The following KCNA2 variants were observed in gnomAD, a reference collection of about 807,000 sequenced individuals.
KCNA2 encodes potassium channel, voltage gated shaker related subfamily A, member 2.
A neutral mutation model predicts 33.4 loss-of-function variants in KCNA2; 11 were observed. The observed-to-expected ratio is 0.33, with a 90% CI of 0.21 to 0.55. The LOEUF (loss-of-function observed/expected upper bound fraction) is 0.55. Among genes scored for constraint, KCNA2 ranks in the 20% least tolerant of loss-of-function variants. The pLI, the probability that KCNA2 is intolerant of heterozygous loss-of-function variation, is 0.93. For missense variants in KCNA2, 291 were observed against 621.6 expected (o/e 0.47, Z 5.66); for synonymous variants, 222 against 231.3 (o/e 0.96, Z 0.37).
Position 110,602,420 on chromosome 1 carries a change from A to G in KCNA2, c.*863T>C, listed in dbSNP as rs1649402072. On this transcript the variant is annotated 3_prime_UTR_variant, in exon 3 of 3. Coordinates refer to ENST00000316361, the MANE Select transcript of KCNA2 (RefSeq NM_004974.4). ...ACAAACACCCATGCAGCTCTATTGCATCACTGGTAAATTTCACTGCAGTGT... is the reference window on the plus strand; with the variant it reads ...ACAAACACCCATGCAGCTCTATTGCGTCACTGGTAAATTTCACTGCAGTGT... The G allele has an allele frequency of 2.2e-6, 3 of 1,335,754 alleles. No homozygotes were observed. The highest frequency in any genetic ancestry group is 3.4e-5 in the Admixed American group (1 of 29,528). The allele number at this position is 1,335,754 out of a possible 1,614,324, so 82.7% of individuals were successfully genotyped here.
chr1:110,617,583 C>T (rs772151707), intron 1 of KCNA2, among the ~76,000 whole-genome samples: 57 of 152,102 alleles, frequency 3.7e-4, no homozygotes, highest in Non-Finnish European at 7.6e-4. Flanking sequence ...GAGGTTGCTT[C>T]CCCTCAGAGA....
chr1:110,629,405 A>G (rs976910561), intron 1 of KCNA2, among the ~76,000 whole-genome samples: 1 of 152,352 alleles, frequency 6.6e-6, no homozygotes, highest in African/African-American at 2.4e-5. Flanking sequence ...AATGAGACCT[A>G]TGTCCCTGAC....
At chr1:110,623,783 T>A (rs1340876131) in intron 1 of KCNA2, among the ~76,000 whole-genome samples, 1 of 152,026 alleles carries the variant, frequency 6.6e-6, no homozygotes, top group Non-Finnish European at 1.5e-5. Context: ...GAAAAACAAA[T>A]TTAAAAATGG....
Position 110,599,136 on chromosome 1 carries a change from G to A in KCNA2, c.*4147C>T, listed in dbSNP as rs1267100956. The stretch of plus-strand genomic sequence containing the variant: ...TGGAAGGGAGAGTGAGACACAACGG[G>A]ATGGCTGCAGGAGCAGAAATCAGGA... On this transcript the variant is annotated 3_prime_UTR_variant, in exon 3 of 3. Transcript: ENST00000316361. 1.0e-6 allele frequency: 1 copy of A among 985,304 alleles called. No individual in the cohort carries two copies. The highest frequency in any genetic ancestry group is 1.2e-6 in the Non-Finnish European group (1 of 829,944). The allele number at this position is 985,304 out of a possible 1,614,324, so 61.0% of individuals were successfully genotyped here. A position where few individuals can be genotyped will look rare whatever the true frequency, so the allele number is the denominator to read the frequency against.
In KCNA2 at chr1:110,601,790, ATATATGTG is replaced by A. The variant is rs1222160637; in HGVS notation, c.*1485_*1492del. On this transcript the variant is annotated 3_prime_UTR_variant, in exon 3 of 3. Coordinates refer to ENST00000316361, the MANE Select transcript of KCNA2 (RefSeq NM_004974.4). ...CTCCAGAAAATGAATATATATATAT[ATATATGTG>A]TGTGTGTGTGTGTGTGTGTGTGTGT... 25 of 1,163,590 alleles carry A rather than the reference ATATATGTG, an allele frequency of 2.1e-5. No homozygotes were observed. The African/African-American group carries it at 3.8e-4, about 18-fold the overall frequency. The allele number at this position is 1,163,590 out of a possible 1,614,324, so 72.1% of individuals were successfully genotyped here.
intron 1 of KCNA2, among the ~76,000 whole-genome samples, chr1:110,625,092 C>A (rs1456337036): frequency 6.6e-6 from 1 of 152,226 alleles, no homozygotes; most frequent in Non-Finnish European, 1.5e-5. Context: ...CCCATTCTGG[C>A]CACACAGCCC....
At chr1:110,610,226 A>G (rs574852525), upstream of KCNA2, among the ~76,000 whole-genome samples, 101 of 152,352 alleles carry the variant, frequency 6.6e-4, no homozygotes, top group South Asian at 0.02. Flanking sequence ...GACTACAGTC[A>G]TCTTAAAAGA....
chr1:110,596,265 T>C lies in KCNA2; in HGVS notation c.*7018A>G, dbSNP rs944555835. 2.0e-6 allele frequency: 2 copies of C among 980,044 alleles called. No homozygotes were observed. The highest frequency in any genetic ancestry group is 1.1e-4 in the East Asian group (1 of 8,802). The allele number at this position is 980,044 out of a possible 1,614,324, so 60.7% of individuals were successfully genotyped here. ...CTTGGATTGCCAAATTTATTCCACA[T>C]AAGTGAAACTAAGGAGATTGGTCAA... On this transcript the variant is annotated 3_prime_UTR_variant, in exon 3 of 3. Transcript: ENST00000316361.
At chr1:110,608,452 C>A (rs1649755459), upstream of KCNA2, among the ~76,000 whole-genome samples, 1 of 152,194 alleles carries the variant, frequency 6.6e-6, no homozygotes, top group South Asian at 2.1e-4. Context: ...GCCCTCCCCC[C>A]TACCCTCCGG....
In KCNA2 at chr1:110,617,334, G is replaced by A. The variant is rs74120004; in HGVS notation, c.-495-11612C>T. Among the ~76,000 whole-genome samples, 704 of 152,358 alleles carry A rather than the reference G, an allele frequency of 4.6e-3. 10 individuals are homozygous for A. The highest frequency in any genetic ancestry group is 0.016 in the African/African-American group (678 of 41,582). On this transcript the variant is annotated intron_variant, in intron 1 of 4. Coordinates refer to the KCNA2 transcript ENST00000369770. Reference sequence around the variant, plus strand: ...TGCCAGGGACTCTGCGCCAGATGGAGTGCCAGGAGCGAGCAGTGTGGGAGG... The same window carrying A: ...TGCCAGGGACTCTGCGCCAGATGGAATGCCAGGAGCGAGCAGTGTGGGAGG...
chr1:110,606,342 G>T lies in KCNA2; in HGVS notation c.-610C>A, dbSNP rs1374407678. 1.3e-5 allele frequency: 2 copies of T among 152,202 alleles called. No individual in the cohort carries two copies. Among genetic ancestry groups the T allele is most frequent in the Non-Finnish European group, 2.9e-5 (2 of 68,058 alleles). 9.4% of individuals were successfully genotyped at this position (152,202 alleles called of 1,614,324 possible). A position where few individuals can be genotyped will look rare whatever the true frequency, so the allele number is the denominator to read the frequency against. ...AAGAGAAAATCCCTCACATCTCCTC[G>T]GCAGGGAGCACAGAATAAACGCTCC... is the stretch of plus-strand genomic sequence containing the variant. On this transcript the variant is annotated 5_prime_UTR_variant, in exon 1 of 3. Coordinates refer to ENST00000316361, the MANE Select transcript of KCNA2 (RefSeq NM_004974.4).
chr1:110,616,801 G>T lies in KCNA2; in HGVS notation c.-495-11079C>A, dbSNP rs185822614. Among the ~76,000 whole-genome samples, 28 of 152,358 alleles carry T rather than the reference G, an allele frequency of 1.8e-4. No homozygotes were observed. The East Asian group carries it at 5.2e-3, about 28-fold the overall frequency. ...TAAACCAGGCATCGAGCCAAGCACT[G>T]TGGGGGACACACAGAGCGTGGCACA... On this transcript the variant is annotated intron_variant, in intron 1 of 4. Transcript: ENST00000369770.
chr1:110,599,696 CT>C lies in KCNA2; in HGVS notation c.*3586del. 1.0e-6 allele frequency: 1 copy of C among 985,412 alleles called. No homozygotes were observed. The highest frequency in any genetic ancestry group is 1.2e-6 in the Non-Finnish European group (1 of 829,940). The allele number at this position is 985,412 out of a possible 1,614,324, so 61.0% of individuals were successfully genotyped here. A position where few individuals can be genotyped will look rare whatever the true frequency, so the allele number is the denominator to read the frequency against. ...TGGGCTTAGAGAATGTTGGGGACAT[CT>C]TTACCCTGGTCCTGGGCTCAAGATC... On this transcript the variant is annotated 3_prime_UTR_variant, in exon 3 of 3. Coordinates refer to ENST00000316361, the MANE Select transcript of KCNA2 (RefSeq NM_004974.4).
chr1:110,601,346 C>T lies in KCNA2; in HGVS notation c.*1937G>A. ...CCAGGGAGTCCTACTCCTTGGTGTCCTTGGTTTCAAAGCAGGGGATCCATT... is the reference window on the plus strand; with the variant it reads ...CCAGGGAGTCCTACTCCTTGGTGTCTTTGGTTTCAAAGCAGGGGATCCATT... On this transcript the variant is annotated 3_prime_UTR_variant, in exon 3 of 3. Coordinates refer to ENST00000316361, the MANE Select transcript of KCNA2 (RefSeq NM_004974.4). 1.0e-6 allele frequency: 1 copy of T among 985,358 alleles called. No individual in the cohort carries two copies. The highest frequency in any genetic ancestry group is 1.2e-6 in the Non-Finnish European group (1 of 829,932). 61.0% of individuals were successfully genotyped at this position (985,358 alleles called of 1,614,324 possible).
intron 1 of KCNA2, among the ~76,000 whole-genome samples, chr1:110,629,553 T>C (rs2101475648): frequency 6.6e-6 from 1 of 152,306 alleles, no homozygotes; most frequent in Non-Finnish European, 1.5e-5. Context: ...TCAGCACAGT[T>C]ACTCTCTCCT....
intron 1 of KCNA2, among the ~76,000 whole-genome samples, chr1:110,630,518 C>T (rs1650525260): frequency 6.6e-6 from 1 of 152,182 alleles, no homozygotes; most frequent in South Asian, 2.1e-4. Flanking sequence ...ATTTACCAAG[C>T]TGTTCAATGG....
At chr1:110,628,252 T>C (rs901632282) in intron 1 of KCNA2, among the ~76,000 whole-genome samples, 1 of 152,092 alleles carries the variant, frequency 6.6e-6, no homozygotes, top group African/African-American at 2.4e-5. Context: ...ATATCTTGAC[T>C]GGGAGTTTGC....
Position 110,630,131 on chromosome 1 carries a change from T to C in KCNA2, c.-496+1264A>G, listed in dbSNP as rs138540453. Among the ~76,000 whole-genome samples, 253 of 151,156 alleles carry C rather than the reference T, an allele frequency of 1.7e-3. 8 individuals are homozygous for C. In the East Asian group the frequency reaches 0.049, roughly 29 times the overall value. On this transcript the variant is annotated intron_variant, in intron 1 of 4. Coordinates refer to the KCNA2 transcript ENST00000369770. ...CCTGGGTTCAAGCGATTCTCCTGCC[T>C]CAGCCTCCCAAGTAGCTGGGATTAC...
intron 1 of KCNA2, among the ~76,000 whole-genome samples, chr1:110,617,127 C>T (rs1038597149): frequency 1.3e-5 from 2 of 152,220 alleles, no homozygotes; most frequent in African/African-American, 4.8e-5. Context: ...GAAGGGCTCT[C>T]TGCAACAGCC....
Sources: allele counts gnomAD v4.1 joint callset (sites outside exome capture counted in the v4.1 genomes callset), GRCh38; gene constraint gnomAD v4.1.1; transcripts MANE v1.5; gene names NCBI Gene and HGNC (gene_info 2026-07-23, HGNC 2026-07-21).